CD99L2: variants seen among roughly 807,000 people sequenced by gnomAD.
CD99L2 encodes the protein CD99 molecule like 2, also known as CD99 antigen-like protein 2.
Under a neutral mutation model 27.3 loss-of-function variants are expected in CD99L2, and 24 were observed. The ratio of observed to expected loss-of-function variants is 0.88; its 90% CI spans 0.64 to 1.24. The LOEUF (loss-of-function observed/expected upper bound fraction) is 1.24. Among genes scored for constraint, CD99L2 ranks in the 50% most tolerant of loss-of-function variants. CD99L2 has a pLI of 0.00. For missense variants in CD99L2, 255 were observed against 221.6 expected (o/e 1.15, Z -0.96); for synonymous variants, 97 against 87.9 (o/e 1.10, Z -0.58).
chrX:150,889,928 G>A (rs1402972841), intron 1 of CD99L2, among the ~76,000 whole-genome samples: 4 of 110,698 alleles, frequency 3.6e-5, no homozygotes, highest in South Asian at 3.8e-4. Flanking sequence ...CGAGGCGGGC[G>A]GATCACAAGG....
At chrX:150,811,213 C>T in intron 4 of CD99L2, among the ~76,000 whole-genome samples, 1 of 111,225 alleles carries the variant, frequency 9.0e-6, no homozygotes, top group Non-Finnish European at 1.9e-5. Context: ...ACATCAAAAC[C>T]ACAATAAGAC....
At chrX:150,809,989 G>A (rs932144000) in intron 4 of CD99L2, among the ~76,000 whole-genome samples, 1 of 112,049 alleles carries the variant, frequency 8.9e-6, no homozygotes, top group Non-Finnish European at 1.9e-5. Context: ...GAGCTAAAGG[G>A]AGAAACAAAT....
intron 7 of CD99L2, among the ~76,000 whole-genome samples, chrX:150,784,026 A>G (rs1280032876): frequency 9.0e-6 from 1 of 111,636 alleles, no homozygotes; most frequent in African/African-American, 3.3e-5. Flanking sequence ...CAGATAACGA[A>G]GGAGAGGGTA....
chrX:150,888,540 T>A (rs782552603), intron 1 of CD99L2, among the ~76,000 whole-genome samples: 4 of 112,175 alleles, frequency 3.6e-5, no homozygotes, highest in African/African-American at 1.3e-4. Flanking sequence ...GGAATGATGA[T>A]GATCACACAA....
intron 3 of CD99L2, among the ~76,000 whole-genome samples, chrX:150,815,446 C>T (rs2046139225): frequency 8.9e-6 from 1 of 112,088 alleles, no homozygotes. Flanking sequence ...AACGTATTAT[C>T]ATGCCCCCGA....
At chrX:150,817,605 T>A (rs1481194505) in intron 2 of CD99L2, among the ~76,000 whole-genome samples, 2 of 112,203 alleles carry the variant, frequency 1.8e-5, no homozygotes, top group African/African-American at 6.5e-5. Context: ...ATTTAAGGAA[T>A]GGGAAAGGCA....
intron 4 of CD99L2, among the ~76,000 whole-genome samples, chrX:150,814,492 A>G (rs2046121091): frequency 8.9e-6 from 1 of 112,481 alleles, no homozygotes; most frequent in Non-Finnish European, 1.9e-5. Flanking sequence ...GCAAAAATGT[A>G]ACAGCGTGCC....
chrX:150,867,918 A>C (rs2047092086), intron 1 of CD99L2, among the ~76,000 whole-genome samples: 1 of 97,250 alleles, frequency 1.0e-5, no homozygotes, highest in African/African-American at 3.7e-5. Flanking sequence ...AAAAAAAAAA[A>C]AAAACCTACA....
chrX:150,824,640 G>GAGA (rs369112631), intron 2 of CD99L2, among the ~76,000 whole-genome samples: 1,361 of 64,688 alleles, frequency 0.021, 19 homozygotes, highest in African/African-American at 0.049. Flanking sequence ...GAAGAAGGAG[G>GAGA]AGAAGAAGAA....
intron 1 of CD99L2, among the ~76,000 whole-genome samples, chrX:150,884,929 A>AT (rs2047384742): frequency 2.7e-5 from 3 of 112,529 alleles, no homozygotes; most frequent in Admixed American, 9.4e-5. Flanking sequence ...CAAACAGTGG[A>AT]ATAACATATA....
At chrX:150,864,941 C>T (rs1180188952) in intron 1 of CD99L2, among the ~76,000 whole-genome samples, 2 of 109,903 alleles carry the variant, frequency 1.8e-5, no homozygotes, top group African/African-American at 6.6e-5. Flanking sequence ...TGGTGCACAC[C>T]TGTGGTCCCA....
intron 2 of CD99L2, chrX:150,816,361 A>T (rs1557420489): frequency 9.0e-6 from 3 of 334,677 alleles, no homozygotes; most frequent in African/African-American, 5.3e-5. Flanking sequence ...TTGCACCCAG[A>T]TCTGCTGGAG....
intron 9 of CD99L2, among the ~76,000 whole-genome samples, chrX:150,771,441 C>T (rs906875354): frequency 2.7e-5 from 3 of 112,341 alleles, no homozygotes; most frequent in Non-Finnish European, 5.6e-5. Context: ...GGCCAGGAGA[C>T]ACACCCTGAG....
Position 150,831,230 on chromosome X carries a change from C to T in CD99L2, c.130+1G>A, listed in dbSNP as rs782628647. ...AATAGTTTATTTGATTTACTACTCACGCTTTACTGAGGAAGTTTCTTTCAC... is the reference window on the plus strand; with the variant it reads ...AATAGTTTATTTGATTTACTACTCATGCTTTACTGAGGAAGTTTCTTTCAC... On this transcript the variant is annotated splice_donor_variant, in intron 2 of 10. Transcript: ENST00000370377. LOFTEE classifies it high-confidence loss of function. 3 of 1,195,141 alleles carry T rather than the reference C, an allele frequency of 2.5e-6. No homozygotes were observed. The highest frequency in any genetic ancestry group is 3.4e-6 in the Non-Finnish European group (3 of 882,529).
intron 7 of CD99L2, among the ~76,000 whole-genome samples, chrX:150,779,795 G>C (rs1178523919): frequency 8.9e-6 from 1 of 112,054 alleles, no homozygotes; most frequent in Non-Finnish European, 1.9e-5. Context: ...TATTAGCTTG[G>C]GGTAAAAAAT....
At position 150,824,384 on chromosome X, in the gene CD99L2, G is replaced by GA. The variant is rs782158507; in HGVS notation, c.130+6846dup. Among the ~76,000 whole-genome samples, 25 of 65,903 alleles carry GA rather than the reference G, an allele frequency of 3.8e-4. 1 individual carries two copies. The highest frequency in any genetic ancestry group is 1.2e-3 in the African/African-American group (22 of 18,398). The allele number at this position is 65,903 out of a possible 115,157, so 57.2% of individuals were successfully genotyped here. On this transcript the variant is annotated intron_variant, in intron 2 of 10. Coordinates refer to ENST00000370377, the MANE Select transcript of CD99L2 (RefSeq NM_031462.4). ...AAGGAAGAAGAAGAAGAAGAAGAAA[G>GA]AAGAAGAAGAAGAAGAAAGAAGAAG...
chrX:150,889,571 G>A (rs1557422719), intron 1 of CD99L2, among the ~76,000 whole-genome samples: 1 of 112,111 alleles, frequency 8.9e-6, no homozygotes. Flanking sequence ...TTCCTGTGGA[G>A]AGTATCACCT....
At chrX:150,792,504 G>A (rs931731059) in intron 7 of CD99L2, among the ~76,000 whole-genome samples, 4 of 112,095 alleles carry the variant, frequency 3.6e-5, no homozygotes, top group Admixed American at 1.9e-4. Context: ...AAGGTGTTTC[G>A]AAGGATAAAT....
Position 150,770,371 on chromosome X carries a change from T to A in CD99L2, c.656-2A>T. 2 of 1,210,525 alleles carry A rather than the reference T, an allele frequency of 1.7e-6. No homozygotes were observed. The highest frequency in any genetic ancestry group is 2.2e-6 in the Non-Finnish European group (2 of 894,414). ...TCACGTAGTCTGCGTTGAGACCCTC[T>A]GCAAAGGGAAAAGGGCAGAGTTAGT... is the stretch of plus-strand genomic sequence containing the variant. On this transcript the variant is annotated splice_acceptor_variant, in intron 9 of 10. Transcript: ENST00000370377. LOFTEE classifies it high-confidence loss of function.
Sources: allele counts gnomAD v4.1 joint callset (sites outside exome capture counted in the v4.1 genomes callset), GRCh38; gene constraint gnomAD v4.1.1; transcripts MANE v1.5; gene names NCBI Gene and HGNC (gene_info 2026-07-23, HGNC 2026-07-21).